CLEC17A: variants seen among roughly 807,000 people sequenced by gnomAD.
The protein encoded by CLEC17A is C-type lectin domain containing 17A.
A neutral mutation model predicts 61.3 loss-of-function variants in CLEC17A; 37 were observed. The observed-to-expected ratio is 0.60, with a 90% CI of 0.46 to 0.79. The LOEUF (loss-of-function observed/expected upper bound fraction) is 0.79, where lower values mean the gene tolerates loss of function less well. Ranked by LOEUF, CLEC17A falls within the 30% of genes least tolerant of loss-of-function variation. The pLI, the probability that CLEC17A is intolerant of heterozygous loss-of-function variation, is 0.00. For synonymous variants in CLEC17A, 168 were observed against 164.9 expected (o/e 1.02, Z -0.14); for missense variants, 418 against 464.7 (o/e 0.90, Z 0.92).
At chr19:14,586,598 A>ATTTTTTT in intron 2 of CLEC17A, among the ~76,000 whole-genome samples, 1 of 129,978 alleles carries the variant, frequency 7.7e-6, no homozygotes, top group African/African-American at 4.1e-5. Context: ...GTTTTTTCTA[A>ATTTTTTT]ATTTTTTTTA....
upstream of CLEC17A, among the ~76,000 whole-genome samples, chr19:14,582,650 C>T (rs1034653680): frequency 6.6e-6 from 1 of 152,116 alleles, no homozygotes; most frequent in African/African-American, 2.4e-5. Context: ...CTCTGTCACT[C>T]AGGCTGGAGT....
intron 10 of CLEC17A, 70 bp downstream of exon 10, chr19:14,597,231 A>G: frequency 4.3e-6 from 6 of 1,393,174 alleles, no homozygotes; most frequent in Non-Finnish European, 6.0e-6. Flanking sequence ...ATCCAACTCC[A>G]AGATCCAACC....
At chr19:14,594,283 TATAAA>T (rs2074491730) in intron 4 of CLEC17A, among the ~76,000 whole-genome samples, 1 of 151,558 alleles carries the variant, frequency 6.6e-6, no homozygotes, top group Admixed American at 6.6e-5. Context: ...TCTCAAAAAA[TATAAA>T]ATAAAATAAA....
intron 13 of CLEC17A, among the ~76,000 whole-genome samples, chr19:14,608,835 T>C (rs895429925): frequency 6.7e-6 from 1 of 149,902 alleles, no homozygotes; most frequent in African/African-American, 2.5e-5. Context: ...AGTCTCACTC[T>C]GTGGCCCGAG....
At chr19:14,591,751 G>A (rs34549133) in intron 3 of CLEC17A, among the ~76,000 whole-genome samples, 13,268 of 151,366 alleles carry the variant, frequency 0.088, 719 homozygotes, top group African/African-American at 0.15. Flanking sequence ...ACGGGGTTTC[G>A]CCATGTTGGT....
chr19:14,610,869 C>T lies in CLEC17A; in HGVS notation c.*673C>T, dbSNP rs1599589084. On this transcript the variant is annotated 3_prime_UTR_variant, in exon 14 of 14. Coordinates refer to ENST00000417570, the MANE Select transcript of CLEC17A (RefSeq NM_001204118.2). The stretch of plus-strand genomic sequence containing the variant: ...TAGAGATGAGGTCTCACTCTGTTGC[C>T]GAGGCTGGTCTCAAACTCCTGGGGT... 1.3e-5 allele frequency: 2 copies of T among 152,114 alleles called. No individual in the cohort carries two copies. The highest frequency in any genetic ancestry group is 2.1e-4 in the South Asian group (1 of 4,812). 9.4% of individuals were successfully genotyped at this position (152,114 alleles called of 1,614,324 possible). A position where few individuals can be genotyped will look rare whatever the true frequency, so the allele number is the denominator to read the frequency against.
chr19:14,608,327 T>C (rs2074954378), intron 13 of CLEC17A, among the ~76,000 whole-genome samples: 1 of 152,198 alleles, frequency 6.6e-6, no homozygotes, highest in Admixed American at 6.6e-5. Context: ...GAGACCCTGA[T>C]TGCAGGGTGT....
At chr19:14,581,936 G>A (rs1445285938), upstream of CLEC17A, among the ~76,000 whole-genome samples, 1 of 151,960 alleles carries the variant, frequency 6.6e-6, no homozygotes, top group Non-Finnish European at 1.5e-5. Context: ...ACAGGTGTGA[G>A]CCACTGCACC....
At chr19:14,590,544 T>C (rs2074384630) in intron 3 of CLEC17A, among the ~76,000 whole-genome samples, 1 of 152,100 alleles carries the variant, frequency 6.6e-6, no homozygotes, top group South Asian at 2.1e-4. Context: ...TGTGCCACCG[T>C]GCCCGGCTAA....
At position 14,599,180 on chromosome 19, in the gene CLEC17A, C is replaced by T. The variant is rs183313095; in HGVS notation, c.647-537C>T. 3.3e-4 allele frequency among the ~76,000 whole-genome samples: 48 copies of T among 146,238 alleles called. No individual in the cohort carries two copies. The East Asian group carries it at 7.8e-3, about 24-fold the overall frequency. ...TTGGCTCACTGCAACCTCTGCCTTC[C>T]GGGTTCAAGTGATTCTCCTGCCTCA... On this transcript the variant is annotated intron_variant, in intron 10 of 13. Transcript: ENST00000417570.
intron 12 of CLEC17A, among the ~76,000 whole-genome samples, chr19:14,600,657 C>T (rs925974549): frequency 3.3e-5 from 5 of 151,548 alleles, no homozygotes; most frequent in African/African-American, 1.2e-4. Flanking sequence ...TCTTGGCTCA[C>T]TGTAAGCTCC....
At chr19:14,601,903 C>T (rs1002501420) in intron 12 of CLEC17A, among the ~76,000 whole-genome samples, 1 of 151,988 alleles carries the variant, frequency 6.6e-6, no homozygotes, top group Non-Finnish European at 1.5e-5. Context: ...CGCCATTTTC[C>T]CACTTCAGCC....
Position 14,594,887 on chromosome 19 carries a change from T to A in CLEC17A, c.403+87T>A, listed in dbSNP as rs184158995. ...TCCCCCAATTTTTATTTATTTATTT[T>A]TTTTGAGACAGAGTCTCACTGTCAT... is the stretch of plus-strand genomic sequence containing the variant. On this transcript the variant is annotated intron_variant, in intron 7 of 13. Transcript: ENST00000417570. The A allele has an allele frequency of 1.1e-4, 140 of 1,314,454 alleles. No individual in the cohort carries two copies. The African/African-American group carries it at 1.7e-3, about 16-fold the overall frequency. The allele number at this position is 1,314,454 out of a possible 1,614,324, so 81.4% of individuals were successfully genotyped here.
intron 2 of CLEC17A, among the ~76,000 whole-genome samples, chr19:14,587,255 GTGTGTGTT>G (rs1354876668): frequency 9.1e-5 from 13 of 143,640 alleles, no homozygotes; most frequent in African/African-American, 3.0e-4. Flanking sequence ...GTGTGTGTGT[GTGTGTGTT>G]TGTGTTTGTG....
Position 14,600,114 on chromosome 19 carries a change from G to C in CLEC17A, c.826G>C (p.Asp276His). The C allele has an allele frequency of 6.2e-7, 1 of 1,614,040 alleles. No homozygotes were observed. Among genetic ancestry groups the C allele is most frequent in the East Asian group, 2.2e-5 (1 of 44,886 alleles). The change falls in exon 12 of 14, where the codon GAT (aspartate) becomes CAT (histidine). Residue 276 changes from aspartate to histidine, a missense_variant. Asp to His is a moderately conservative substitution (Grantham distance 81). Transcript: ENST00000417570. The part of the protein sequence containing the change: ...YYFSPSTKSW[D>H]EARMFCQENY... ...CTTCTCCCCAAGCACCAAGTCATGG[G>C]ATGAGGCCCGGATGTTCTGCCAGGA...
Position 14,605,563 on chromosome 19 carries a change from C to T in CLEC17A, c.895-1430C>T, listed in dbSNP as rs184546817. 1.7e-4 allele frequency among the ~76,000 whole-genome samples: 26 copies of T among 152,322 alleles called. No individual in the cohort carries two copies. The East Asian group carries it at 4.4e-3, about 26-fold the overall frequency. On this transcript the variant is annotated intron_variant, in intron 12 of 13. Transcript: ENST00000417570. Reference sequence around the variant, plus strand: ...ACCAATATTTATAATCTTTCCACCACCCTAGAAAGTTTTTTCATATCCTTT... The same window carrying T: ...ACCAATATTTATAATCTTTCCACCATCCTAGAAAGTTTTTTCATATCCTTT...
Position 14,597,136 on chromosome 19 carries a change from T to C in CLEC17A, c.621T>C (p.Phe207=). The change falls in exon 10 of 14, where the codon TTT becomes TTC. Residue 207 remains phenylalanine, a synonymous_variant. Coordinates refer to ENST00000417570, the MANE Select transcript of CLEC17A (RefSeq NM_001204118.2). Reference sequence around the variant, plus strand: ...TGGAAGAACTGAGAATGTTAAGCTTTCAGCAGATGACGTGGCGAACAAATA... The same window carrying C: ...TGGAAGAACTGAGAATGTTAAGCTTCCAGCAGATGACGTGGCGAACAAATA... ...ELMEELRMLS[F]QQMTWRTNMT... is the part of the protein sequence containing the mutation. The C allele has an allele frequency of 6.2e-7, 1 of 1,612,752 alleles. No homozygotes were observed. Among genetic ancestry groups the C allele is most frequent in the Non-Finnish European group, 8.5e-7 (1 of 1,179,434 alleles).
chr19:14,595,385 A>G (rs2074519199), intron 8 of CLEC17A, 70 bp downstream of exon 8: 1 of 1,547,890 alleles, frequency 6.5e-7, no homozygotes, highest in Non-Finnish European at 8.9e-7. Context: ...CTCTACAGTG[A>G]GACCCTGAGT....
At chr19:14,598,496 A>C (rs1487424734) in intron 10 of CLEC17A, among the ~76,000 whole-genome samples, 1 of 144,332 alleles carries the variant, frequency 6.9e-6, no homozygotes, top group East Asian at 2.0e-4. Flanking sequence ...TTCTTTTGAC[A>C]GAATTTTGCT....
Sources: gnomAD v4.1 joint callset for allele counts (sites outside exome capture counted in the v4.1 genomes callset) on GRCh38, gnomAD v4.1.1 for gene constraint, MANE v1.5 for transcripts, NCBI Gene and HGNC (gene_info 2026-07-23, HGNC 2026-07-21) for gene names.